Variants in EFEMP1 observed in about 807,000 individuals in gnomAD.
EFEMP1 encodes the protein EGF-like fibulin extracellular matrix protein 1, also known as EGF-containing fibulin-like extracellular matrix protein 1.
A neutral mutation model predicts 65.7 loss-of-function variants in EFEMP1; 18 were observed. The observed-to-expected ratio is 0.27, with a 90% confidence interval of 0.19 to 0.41. The LOEUF (loss-of-function observed/expected upper bound fraction) is 0.41, where lower values mean the gene tolerates loss of function less well. Ranked by LOEUF, EFEMP1 falls within the 10% of genes least tolerant of loss-of-function variation. The pLI, the probability that EFEMP1 is intolerant of heterozygous loss-of-function variation, is 1.00. For missense variants in EFEMP1, 469 were observed against 624.8 expected, an observed-to-expected ratio of 0.75 and a Z score of 2.66; for synonymous variants, 237 against 219.7, an observed-to-expected ratio of 1.08 and a Z score of -0.70.
At chr2:55,892,743 G>A (rs1669677967) in intron 5 of EFEMP1, among the ~76,000 whole-genome samples, 1 of 152,072 alleles carries the variant, frequency 6.6e-6, no homozygotes, top group South Asian at 2.1e-4. Flanking sequence ...ACAAAGGCAG[G>A]TAGACCCAAG....
intron 5 of EFEMP1, among the ~76,000 whole-genome samples, chr2:55,894,177 C>G (rs1461402214): frequency 6.6e-6 from 1 of 152,018 alleles, no homozygotes; most frequent in East Asian, 1.9e-4. Flanking sequence ...AACTAGAGCT[C>G]TAATTAGAAC....
At chr2:55,904,161 G>T (rs1458413177) in intron 5 of EFEMP1, among the ~76,000 whole-genome samples, 1 of 152,152 alleles carries the variant, frequency 6.6e-6, no homozygotes. Flanking sequence ...TTTCATACTT[G>T]AGTGCTGTGT....
In EFEMP1 at chr2:55,873,238, G is replaced by T. The variant is rs55784446; in HGVS notation, c.1000+1708C>A. Among the ~76,000 whole-genome samples the T allele has an allele frequency of 6.6e-6, 1 of 151,832 alleles. No individual in the cohort carries two copies. The highest frequency in any genetic ancestry group is 1.5e-5 in the Non-Finnish European group (1 of 67,906). On this transcript the variant is annotated intron_variant, in intron 9 of 11. Transcript: ENST00000355426. The surrounding 1 kb of genome is among the most constrained non-coding windows in gnomAD (Gnocchi z 4.6). ...ACAAGGCTCAGAAGGAACGATTTCC[G>T]TAGGAGAAAGCAATTGCTTTATACT...
At chr2:55,898,046 T>A (rs1669893458) in intron 5 of EFEMP1, among the ~76,000 whole-genome samples, 1 of 152,062 alleles carries the variant, frequency 6.6e-6, no homozygotes, top group Non-Finnish European at 1.5e-5. Context: ...TTAGACATAG[T>A]TTATATTTAG....
rs141559125 is a variant in EFEMP1, at chr2:55,893,654, G to A, written c.518-11920C>T. On this transcript the variant is annotated intron_variant, in intron 5 of 11. Transcript: ENST00000355426. ...TGGAGGTACCTGGTCCACAGTAAGT[G>A]CTCAATAAATTATACTTAACAGTGT... Among the ~76,000 whole-genome samples the A allele has an allele frequency of 9.0e-3, 1,369 of 152,284 alleles. 21 individuals carry two copies. Among genetic ancestry groups the A allele is most frequent in the Non-Finnish European group, 0.012 (797 of 68,002 alleles).
intron 11 of EFEMP1, among the ~76,000 whole-genome samples, chr2:55,868,912 T>C (rs962173134): frequency 6.6e-6 from 1 of 152,198 alleles, no homozygotes; most frequent in African/African-American, 2.4e-5. Flanking sequence ...AGAATTTTAG[T>C]GGAGAAACTC....
intron 5 of EFEMP1, among the ~76,000 whole-genome samples, chr2:55,915,292 C>G (rs1329798375): frequency 1.3e-5 from 2 of 152,134 alleles, no homozygotes; most frequent in African/African-American, 4.8e-5. Flanking sequence ...ACACAGTCAA[C>G]AGGTATGTAT....
At chr2:55,898,158 C>A (rs562594988) in intron 5 of EFEMP1, among the ~76,000 whole-genome samples, 1 of 152,210 alleles carries the variant, frequency 6.6e-6, no homozygotes, top group African/African-American at 2.4e-5. Flanking sequence ...TTCAGTAGAC[C>A]ATTGAAGGGC....
intron 6 of EFEMP1, among the ~76,000 whole-genome samples, chr2:55,880,436 A>G (rs932900908): frequency 6.6e-6 from 1 of 152,142 alleles, no homozygotes; most frequent in Non-Finnish European, 1.5e-5. Context: ...TTATCTCTGG[A>G]GTTTTCTACA....
Position 55,923,746 on chromosome 2 carries a change from G to C in EFEMP1, c.-84C>G, listed in dbSNP as rs1358615446. 1 of 985,886 alleles carries C rather than the reference G, an allele frequency of 1.0e-6. No individual in the cohort carries two copies. The highest frequency in any genetic ancestry group is 6.1e-5 in the Admixed American group (1 of 16,272). The allele number at this position is 985,886 out of a possible 1,614,324, so 61.1% of individuals were successfully genotyped here. On this transcript the variant is annotated 5_prime_UTR_variant, in exon 1 of 12. Transcript: ENST00000355426. The surrounding 1 kb of genome is among the most constrained non-coding windows in gnomAD (Gnocchi z 5.3). ...GCGCTGCGCTCCGGGCCCGGGCAGC[G>C]AGGGGAGTGCGCAGGGGAGGGCAGC...
At chr2:55,895,329 A>G (rs1389602614) in intron 5 of EFEMP1, among the ~76,000 whole-genome samples, 1 of 152,194 alleles carries the variant, frequency 6.6e-6, no homozygotes, top group Non-Finnish European at 1.5e-5. Flanking sequence ...GCTCCATCTC[A>G]TCAGTGCCAT....
rs1668787289 is a variant in EFEMP1, at chr2:55,871,019, A to G, written c.1105T>C (p.Tyr369His). 6.2e-7 allele frequency: 1 copy of G among 1,613,760 alleles called. No homozygotes were observed. Among genetic ancestry groups the G allele is most frequent in the Non-Finnish European group, 8.5e-7 (1 of 1,179,808 alleles). The change falls in exon 10 of 12, where the codon TAC becomes CAC. Residue 369 changes from tyrosine to histidine, a missense_variant. Tyr to His is a moderately conservative substitution (Grantham distance 83). Transcript: ENST00000355426. The surrounding 1 kb of genome is among the most constrained non-coding windows in gnomAD (Gnocchi z 4.2). ...CYPRNPCQDPYILTPENRCVC... is the reference protein window; with the variant it reads ...CYPRNPCQDPHILTPENRCVC... ...TCTTACTTCTCTGGTGTTAGAATGT[A>G]GGGATCTTGACAAGGATTTCGTGGA...
intron 6 of EFEMP1, among the ~76,000 whole-genome samples, chr2:55,881,050 C>A (rs562408803): frequency 6.6e-6 from 1 of 152,230 alleles, no homozygotes; most frequent in Non-Finnish European, 1.5e-5. Flanking sequence ...CAGAATACAA[C>A]GATAGCAAAC....
chr2:55,876,758 A>T lies in EFEMP1; in HGVS notation c.761-16T>A, dbSNP rs762971862. On this transcript the variant is annotated splice_polypyrimidine_tract_variant and intron_variant, in intron 7 of 11. Coordinates refer to ENST00000355426, the MANE Select transcript of EFEMP1 (RefSeq NM_001039348.3). ...TCATTTATATCTGAAAAAAAGTTTT[A>T]TATATATATATATGTATATGTATAT... 5.4e-5 allele frequency: 71 copies of T among 1,306,184 alleles called. No individual in the cohort carries two copies. The highest frequency in any genetic ancestry group is 2.2e-4 in the Middle Eastern group (1 of 4,490). 80.9% of individuals were successfully genotyped at this position (1,306,184 alleles called of 1,614,324 possible).
chr2:55,911,273 T>C (rs1670473942), intron 5 of EFEMP1, among the ~76,000 whole-genome samples: 3 of 151,992 alleles, frequency 2.0e-5, no homozygotes, highest in Admixed American at 1.3e-4. Context: ...AAAAGTAAAA[T>C]AGAAATACTA....
In EFEMP1 at chr2:55,871,559, G is replaced by C. The variant is rs2241663; in HGVS notation, c.1001-436C>G. On this transcript the variant is annotated intron_variant, in intron 9 of 11. Coordinates refer to ENST00000355426, the MANE Select transcript of EFEMP1 (RefSeq NM_001039348.3). The surrounding 1 kb of genome is among the most constrained non-coding windows in gnomAD (Gnocchi z 4.2). ...CAGAGTTGGGTAATTTTGCCAGGGGGATTAGGGAAGGCTGAAGGAAGGAAG... is the reference window on the plus strand; with the variant it reads ...CAGAGTTGGGTAATTTTGCCAGGGGCATTAGGGAAGGCTGAAGGAAGGAAG... Among the ~76,000 whole-genome samples, 227 of 152,224 alleles carry C rather than the reference G, an allele frequency of 1.5e-3. 3 individuals are homozygous for C. Among genetic ancestry groups the C allele is most frequent in the East Asian group, 0.013 (68 of 5,170 alleles).
chr2:55,915,472 T>C (rs1670643503), intron 5 of EFEMP1, among the ~76,000 whole-genome samples: 1 of 152,238 alleles, frequency 6.6e-6, no homozygotes, highest in African/African-American at 2.4e-5. Flanking sequence ...TTAATCACAG[T>C]ACAGTTTCTA....
At chr2:55,890,970 A>G (rs902395578) in intron 5 of EFEMP1, among the ~76,000 whole-genome samples, 1 of 152,046 alleles carries the variant, frequency 6.6e-6, no homozygotes. Flanking sequence ...CTTTTATTTT[A>G]GGTTTGGGGG....
chr2:55,911,917 A>G (rs1670494468), intron 5 of EFEMP1, among the ~76,000 whole-genome samples: 1 of 152,254 alleles, frequency 6.6e-6, no homozygotes, highest in African/African-American at 2.4e-5. Context: ...TAATGGCTGC[A>G]GCATATTGAA....
Sources: allele counts gnomAD v4.1 joint callset (sites outside exome capture counted in the v4.1 genomes callset), GRCh38; gene constraint gnomAD v4.1.1; non-coding constraint Gnocchi (gnomAD v3.1); transcripts MANE v1.5; gene names NCBI Gene and HGNC (gene_info 2026-07-23, HGNC 2026-07-21).